Variants in GPRC5D observed in about 807,000 individuals in gnomAD.
The protein encoded by GPRC5D is G protein-coupled receptor class C group 5 member D.
A neutral mutation model predicts 29.3 loss-of-function variants in GPRC5D; 20 were observed. The observed-to-expected ratio is 0.68, with a 90% CI of 0.48 to 0.99. The LOEUF is 0.99. Among genes scored for constraint, GPRC5D ranks in the 50% least tolerant of loss-of-function variants. GPRC5D has a pLI of 0.00. For missense variants in GPRC5D, 384 were observed against 423.6 expected (o/e 0.91, Z 0.82); for synonymous variants, 178 against 171.3 (o/e 1.04, Z -0.30).
chr12:12,944,823 TTCC>T (rs1565477121), intron 1 of GPRC5D, among the ~76,000 whole-genome samples: 134 of 8,468 alleles, frequency 0.016, 7 homozygotes, highest in African/African-American at 0.02. Context: ...CCTTCCTTCC[TTCC>T]TTCCTTCCTT....
chr12:12,950,434 A>C, upstream of GPRC5D: 1 of 1,276,898 alleles, frequency 7.8e-7, no homozygotes, highest in Non-Finnish European at 1.1e-6. Context: ...GATGCCCTGC[A>C]GAAAAAGGAT....
intron 1 of GPRC5D, among the ~76,000 whole-genome samples, chr12:12,944,846 CTTCCTTCTTTCTTTCTTTCTTTCT>C (rs1442777430): frequency 2.4e-3 from 74 of 31,232 alleles, no homozygotes; most frequent in East Asian, 7.3e-3. Flanking sequence ...TCCTTCCTTC[CTTCCTTCTTTCTTTCTTTCTTTCT>C]TTCTTTCTTT....
chr12:12,949,796 C>T, exon 1 of GPRC5D: 4 of 1,614,138 alleles, frequency 2.5e-6, no homozygotes. Context: ...TTCCAGTTCT[C>T]ACACGGGCCA....
intron 1 of GPRC5D, among the ~76,000 whole-genome samples, chr12:12,946,245 G>A (rs984260012): frequency 5.9e-5 from 9 of 151,784 alleles, no homozygotes; most frequent in Non-Finnish European, 1.0e-4. Context: ...CTTCACACTT[G>A]TGAAATTTTC....
chr12:12,947,453 C>G (rs1267372054), intron 1 of GPRC5D, among the ~76,000 whole-genome samples: 1 of 152,166 alleles, frequency 6.6e-6, no homozygotes, highest in African/African-American at 2.4e-5. Context: ...TCTGATTTTA[C>G]TTTCTGAGCT....
intron 1 of GPRC5D, chr12:12,948,166 G>C (rs1272556189): frequency 6.6e-6 from 1 of 151,388 alleles, no homozygotes. Context: ...TTTTTGCTCT[G>C]ACTTTTGTTT....
At chr12:12,941,600 A>C (rs981418417) in intron 2 of GPRC5D, among the ~76,000 whole-genome samples, 1 of 152,192 alleles carries the variant, frequency 6.6e-6, no homozygotes, top group Non-Finnish European at 1.5e-5. Flanking sequence ...GGCTTTAGTT[A>C]CTTTTGATCC....
intron 1 of GPRC5D, among the ~76,000 whole-genome samples, chr12:12,942,933 C>T (rs909214826): frequency 6.6e-6 from 1 of 152,174 alleles, no homozygotes; most frequent in African/African-American, 2.4e-5. Context: ...GGGCATCTCA[C>T]TCTTTTCAAC....
At chr12:12,943,238 G>A (rs950548599) in intron 1 of GPRC5D, among the ~76,000 whole-genome samples, 8 of 152,192 alleles carry the variant, frequency 5.3e-5, no homozygotes, top group African/African-American at 1.9e-4. Context: ...GACAGGAGCT[G>A]TGCCTGTCTC....
At chr12:12,941,717 G>C (rs943186374) in intron 2 of GPRC5D, among the ~76,000 whole-genome samples, 1 of 152,206 alleles carries the variant, frequency 6.6e-6, no homozygotes, top group Non-Finnish European at 1.5e-5. Flanking sequence ...CTACTCAGCA[G>C]TGCTCCCTCT....
intron 1 of GPRC5D, among the ~76,000 whole-genome samples, chr12:12,946,290 TTC>T (rs1555109870): frequency 0.5 from 44,286 of 88,538 alleles, 8,939 homozygotes; most frequent in Non-Finnish European, 0.53. Flanking sequence ...CTTCCTTCCT[TTC>T]TTCCTTCCTT....
In GPRC5D at chr12:12,941,559, A is replaced by G. The variant is rs774898118; in HGVS notation, c.963+702T>C. ...GTTAGTGGCCTAGTAAATTCATTGA[A>G]TAAATGATCTGAGGGTGGCTTTCAC... is the stretch of plus-strand genomic sequence containing the variant. On this transcript the variant is annotated intron_variant, in intron 2 of 2. Transcript: ENST00000228887. Among the ~76,000 whole-genome samples, 5 of 152,228 alleles carry G rather than the reference A, an allele frequency of 3.3e-5. 1 individual carries two copies. Among genetic ancestry groups the G allele is most frequent in the Admixed American group, 2.0e-4 (3 of 15,284 alleles).
At chr12:12,945,210 G>A (rs2136496567) in intron 1 of GPRC5D, among the ~76,000 whole-genome samples, 1 of 151,962 alleles carries the variant, frequency 6.6e-6, no homozygotes, top group African/African-American at 2.4e-5. Flanking sequence ...TCACCATGTT[G>A]GCCAGGCCGA....
At chr12:12,944,164 C>T (rs1254783065) in intron 1 of GPRC5D, among the ~76,000 whole-genome samples, 5 of 152,002 alleles carry the variant, frequency 3.3e-5, no homozygotes, top group South Asian at 2.1e-4. Flanking sequence ...TGTGCAGTGG[C>T]GCAATCATAG....
In GPRC5D at chr12:12,949,687, C is replaced by T. The variant is rs368865547; in HGVS notation, c.698G>A (p.Arg233Gln). 8.7e-6 allele frequency: 14 copies of T among 1,614,012 alleles called. No individual in the cohort carries two copies. Among genetic ancestry groups the T allele is most frequent in the Admixed American group, 3.3e-5 (2 of 59,998 alleles). ...GACCGGGTCGTCCCACTGGGGCTGT[C>T]GCTGGAACTGCGGGTTGCCTCTCAG... is the stretch of plus-strand genomic sequence containing the variant. The change falls in exon 1 of 3, where the codon CGA becomes CAA. Residue 233 changes from arginine to glutamine, a missense_variant. Arg to Gln is a conservative substitution (Grantham distance 43). Transcript: ENST00000228887.
exon 3 of GPRC5D, chr12:12,940,809 T>G (rs772642357): frequency 1.2e-6 from 2 of 1,609,462 alleles, no homozygotes; most frequent in Admixed American, 1.7e-5. Flanking sequence ...GGGGCTTAGT[T>G]TAGCCTGTGG....
intron 1 of GPRC5D, among the ~76,000 whole-genome samples, chr12:12,945,794 C>T (rs1418219796): frequency 2.0e-5 from 3 of 152,138 alleles, no homozygotes; most frequent in Non-Finnish European, 4.4e-5. Flanking sequence ...ATATGCTGAG[C>T]ATGTTAAATT....
exon 3 of GPRC5D, chr12:12,940,841 A>G: frequency 5.6e-6 from 9 of 1,595,690 alleles, no homozygotes; most frequent in Non-Finnish European, 7.7e-6. Context: ...CTTGTGTGGG[A>G]TCAACAGTCT....
At chr12:12,946,044 AT>A (rs1284582261) in intron 1 of GPRC5D, among the ~76,000 whole-genome samples, 1 of 152,238 alleles carries the variant, frequency 6.6e-6, no homozygotes. Context: ...CTTCGGAGGA[AT>A]AAAGCCTAAT....
Sources: allele counts gnomAD v4.1 joint callset (sites outside exome capture counted in the v4.1 genomes callset), GRCh38; gene constraint gnomAD v4.1.1; transcripts MANE v1.5; gene names NCBI Gene and HGNC (gene_info 2026-07-23, HGNC 2026-07-21).